The following BLNK variants were observed in gnomAD, a reference collection of about 807,000 sequenced individuals.
BLNK encodes the protein B cell linker, also known as B-cell linker protein.
A neutral mutation model predicts 73.5 loss-of-function variants in BLNK; 29 were observed. The observed-to-expected ratio is 0.39, with a 90% CI of 0.29 to 0.54. The LOEUF (loss-of-function observed/expected upper bound fraction) is 0.54. Among genes scored for constraint, BLNK ranks in the 20% least tolerant of loss-of-function variants. The pLI is 0.61. For synonymous variants in BLNK, 176 were observed against 200.8 expected (o/e 0.88, Z 1.04); for missense variants, 460 against 562.8 (o/e 0.82, Z 1.85).
At chr10:96,231,964 T>C (rs1842516248) in intron 3 of BLNK, among the ~76,000 whole-genome samples, 1 of 152,236 alleles carries the variant, frequency 6.6e-6, no homozygotes, top group South Asian at 2.1e-4. Context: ...TGACAGGTTG[T>C]GGCCCTTAAG....
intron 15 of BLNK, among the ~76,000 whole-genome samples, chr10:96,197,773 G>A (rs1554895052): frequency 6.6e-6 from 1 of 151,752 alleles, no homozygotes; most frequent in Non-Finnish European, 1.5e-5. Context: ...ATCCCTAGCC[G>A]GGCATAGTGG....
At chr10:96,192,221 A>C (rs2083344488) in intron 16 of BLNK, 129 bp from the exon 17 acceptor site, 5 of 1,318,128 alleles carry the variant, frequency 3.8e-6, no homozygotes, top group Non-Finnish European at 5.3e-6. Context: ...CTGCACAAAA[A>C]AATCTAGTTT....
chr10:96,233,883 A>G (rs1287791528), intron 3 of BLNK, among the ~76,000 whole-genome samples: 2 of 152,244 alleles, frequency 1.3e-5, no homozygotes, highest in Admixed American at 1.3e-4. Context: ...GAACTAATAA[A>G]TGACTCAAAC....
intron 1 of BLNK, among the ~76,000 whole-genome samples, chr10:96,266,908 G>A (rs1589352478): frequency 6.6e-6 from 1 of 152,162 alleles, no homozygotes; most frequent in Non-Finnish European, 1.5e-5. Context: ...ATACTCTTCT[G>A]GGAACTTCAG....
At chr10:96,219,472 T>C (rs1310546946) in intron 6 of BLNK, among the ~76,000 whole-genome samples, 1 of 152,174 alleles carries the variant, frequency 6.6e-6, no homozygotes, top group African/African-American at 2.4e-5. Flanking sequence ...GTCAACAAAA[T>C]CCTTCAATAT....
intron 1 of BLNK, among the ~76,000 whole-genome samples, chr10:96,253,807 A>G (rs968920974): frequency 2.6e-5 from 4 of 151,964 alleles, no homozygotes; most frequent in African/African-American, 9.7e-5. Flanking sequence ...TGAGGTCAGG[A>G]GATCGAGACC....
chr10:96,208,791 G>A (rs755112806), intron 9 of BLNK, among the ~76,000 whole-genome samples: 1 of 152,180 alleles, frequency 6.6e-6, no homozygotes, highest in East Asian at 1.9e-4. Context: ...CTCCTCAGGT[G>A]CTATTTAAAC....
intron 3 of BLNK, among the ~76,000 whole-genome samples, chr10:96,235,125 G>A (rs782703666): frequency 5.3e-5 from 8 of 152,168 alleles, no homozygotes; most frequent in Admixed American, 1.3e-4. Context: ...TGGCCACAGC[G>A]GCCCACATTT....
intron 1 of BLNK, among the ~76,000 whole-genome samples, chr10:96,259,616 C>T (rs1644693188): frequency 3.6e-5 from 5 of 140,802 alleles, no homozygotes; most frequent in South Asian, 2.4e-4. Flanking sequence ...TTACTATCCA[C>T]TTATTAACCG....
At chr10:96,228,592 A>G (rs1842372359) in intron 4 of BLNK, among the ~76,000 whole-genome samples, 2 of 152,076 alleles carry the variant, frequency 1.3e-5, no homozygotes. Flanking sequence ...TTAAGTCCAC[A>G]CTGAAAATAC....
At chr10:96,226,127 C>A (rs1372214669) in intron 5 of BLNK, among the ~76,000 whole-genome samples, 2 of 152,194 alleles carry the variant, frequency 1.3e-5, no homozygotes, top group Non-Finnish European at 2.9e-5. Context: ...AGCTCCATCA[C>A]TTAGAGGATC....
chr10:96,207,002 A>G lies in BLNK; in HGVS notation c.817+9T>C, dbSNP rs901658788. On this transcript the variant is annotated intron_variant, in intron 11 of 16. Transcript: ENST00000224337. ...GGACATGCTCATCCTTCAAAATAATAGATTTTACCTTCACAAACACTTGAA... is the reference window on the plus strand; with the variant it reads ...GGACATGCTCATCCTTCAAAATAATGGATTTTACCTTCACAAACACTTGAA... The G allele has an allele frequency of 1.2e-6, 2 of 1,613,560 alleles. No individual in the cohort carries two copies. The highest frequency in any genetic ancestry group is 1.7e-6 in the Non-Finnish European group (2 of 1,179,460).
intron 11 of BLNK, among the ~76,000 whole-genome samples, chr10:96,205,776 C>T (rs1293510901): frequency 6.6e-6 from 1 of 152,206 alleles, no homozygotes; most frequent in African/African-American, 2.4e-5. Flanking sequence ...CTGGCAGGCT[C>T]CTGTACTGGG....
At chr10:96,193,910 G>A (rs2083392440) in intron 16 of BLNK, among the ~76,000 whole-genome samples, 1 of 152,170 alleles carries the variant, frequency 6.6e-6, no homozygotes, top group African/African-American at 2.4e-5. Flanking sequence ...GATGTTCAGT[G>A]TATAGGGGAC....
intron 1 of BLNK, among the ~76,000 whole-genome samples, chr10:96,253,027 G>T (rs1245429973): frequency 6.6e-6 from 1 of 152,092 alleles, no homozygotes. Context: ...GTCTTCCCGG[G>T]GCCTCCTGGT....
At chr10:96,195,197 C>T (rs1404646312) in intron 16 of BLNK, among the ~76,000 whole-genome samples, 2 of 152,166 alleles carry the variant, frequency 1.3e-5, no homozygotes, top group South Asian at 2.1e-4. Flanking sequence ...GTTAAACCCT[C>T]GTGTGCTGTT....
At chr10:96,194,039 T>A (rs1039488976) in intron 16 of BLNK, among the ~76,000 whole-genome samples, 14 of 152,224 alleles carry the variant, frequency 9.2e-5, no homozygotes, top group African/African-American at 3.1e-4. Flanking sequence ...ATGTTGGAAG[T>A]GAGGTGAAGC....
At chr10:96,192,241 T>C (rs1461468370) in intron 16 of BLNK, 149 bp from the exon 17 acceptor site, 2 of 1,123,382 alleles carry the variant, frequency 1.8e-6, no homozygotes, top group East Asian at 5.2e-5. Context: ...TAACAAAGGC[T>C]GTAACCTTCA....
intron 1 of BLNK, among the ~76,000 whole-genome samples, chr10:96,252,892 C>T (rs1261695349): frequency 6.6e-6 from 1 of 152,104 alleles, no homozygotes; most frequent in Admixed American, 6.5e-5. Context: ...CGACCTCATC[C>T]CTGTTGGTGG....
Sources: allele counts gnomAD v4.1 joint callset (sites outside exome capture counted in the v4.1 genomes callset), GRCh38; gene constraint gnomAD v4.1.1; transcripts MANE v1.5; gene names NCBI Gene and HGNC (gene_info 2026-07-23, HGNC 2026-07-21).